The following DLG2 variants were observed in gnomAD, a reference collection of about 807,000 sequenced individuals.
DLG2 encodes disks large homolog 2.
Under a neutral mutation model 132.5 loss-of-function variants are expected in DLG2, and 45 were observed. The observed-to-expected ratio is 0.34, with a 90% confidence interval of 0.27 to 0.44. The LOEUF is 0.44. Ranked by LOEUF, DLG2 falls within the 20% of genes least tolerant of loss-of-function variation. The probability of loss-of-function intolerance (pLI) is 1.00; values close to 1 mark genes in which losing one functional copy is unlikely to be tolerated. For missense variants in DLG2, 1,045 were observed against 1,196.9 expected, an observed-to-expected ratio of 0.87 and a Z score of 1.87; for synonymous variants, 424 against 419.6, an observed-to-expected ratio of 1.01 and a Z score of -0.13.
chr11:84,734,412 G>A (rs1330237736), intron 6 of DLG2, among the ~76,000 whole-genome samples: 1 of 152,148 alleles, frequency 6.6e-6, no homozygotes. Context: ...TGTGAATGGA[G>A]TTCACTCACA....
intron 3 of DLG2, among the ~76,000 whole-genome samples, chr11:85,597,978 A>G (rs984185778): frequency 6.6e-6 from 1 of 151,064 alleles, no homozygotes; most frequent in Non-Finnish European, 1.5e-5. Flanking sequence ...AAGAATTAAA[A>G]GCTATTTGCA....
intron 18 of DLG2, among the ~76,000 whole-genome samples, chr11:83,708,963 C>G (rs1339691509): frequency 6.6e-6 from 1 of 152,004 alleles, no homozygotes; most frequent in Non-Finnish European, 1.5e-5. Flanking sequence ...TTCATAGTCT[C>G]TAGTATGAGG....
chr11:83,483,983 GC>G (rs1034175834), intron 22 of DLG2, 145 bp downstream of exon 22: 6 of 647,174 alleles, frequency 9.3e-6, no homozygotes, highest in African/African-American at 1.9e-5. Context: ...GTAGTCAGAC[GC>G]TGGTCACAGT....
chr11:85,599,682 C>T (rs991251649), intron 2 of DLG2, among the ~76,000 whole-genome samples: 1 of 152,198 alleles, frequency 6.6e-6, no homozygotes, highest in Non-Finnish European at 1.5e-5. Context: ...TCTCTTCATT[C>T]AGATCTAACT....
At chr11:85,166,701 G>A (rs2078477658) in intron 4 of DLG2, among the ~76,000 whole-genome samples, 1 of 151,960 alleles carries the variant, frequency 6.6e-6, no homozygotes, top group African/African-American at 2.4e-5. Context: ...CTCCATTCAA[G>A]CAGATTTAAA....
intron 6 of DLG2, among the ~76,000 whole-genome samples, chr11:84,564,478 AG>A (rs2099442337): frequency 6.6e-6 from 1 of 152,180 alleles, no homozygotes; most frequent in Non-Finnish European, 1.5e-5. Flanking sequence ...ACTGCAAGGC[AG>A]GGGGGTTGCT....
At chr11:85,060,505 A>G (rs1170129320) in intron 6 of DLG2, among the ~76,000 whole-genome samples, 1 of 150,398 alleles carries the variant, frequency 6.6e-6, no homozygotes, top group African/African-American at 2.4e-5. Context: ...GCATATGTAT[A>G]TGTGTGTGTG....
At chr11:83,570,431 T>C (rs944413120) in intron 19 of DLG2, among the ~76,000 whole-genome samples, 7 of 152,212 alleles carry the variant, frequency 4.6e-5, no homozygotes, top group African/African-American at 1.7e-4. Context: ...ATTACTACTA[T>C]TACTGGTTAT....
intron 2 of DLG2, among the ~76,000 whole-genome samples, chr11:85,614,331 T>TAA (rs1565764687): frequency 2.2e-5 from 3 of 138,856 alleles, no homozygotes; most frequent in African/African-American, 1.0e-4. Context: ...TTTTTTTTTT[T>TAA]TAAAAATTAA....
chr11:84,794,688 C>T (rs943420131), intron 6 of DLG2, among the ~76,000 whole-genome samples: 3 of 152,232 alleles, frequency 2.0e-5, no homozygotes, highest in Non-Finnish European at 4.4e-5. Context: ...TGGTCTCTCC[C>T]CACTCCTGGC....
chr11:83,528,991 C>T (rs1414093922), intron 21 of DLG2, among the ~76,000 whole-genome samples: 1 of 152,052 alleles, frequency 6.6e-6, no homozygotes, highest in Non-Finnish European at 1.5e-5. Flanking sequence ...ATTCTTATAG[C>T]TCGTGTACAT....
At chr11:85,521,381 G>A (rs1481107462) in intron 3 of DLG2, among the ~76,000 whole-genome samples, 1 of 152,176 alleles carries the variant, frequency 6.6e-6, no homozygotes, top group East Asian at 1.9e-4. Context: ...TGCCATGATT[G>A]TAAGTTTCCT....
At chr11:84,765,308 T>C (rs1163434782) in intron 6 of DLG2, among the ~76,000 whole-genome samples, 1 of 152,080 alleles carries the variant, frequency 6.6e-6, no homozygotes, top group Non-Finnish European at 1.5e-5. Context: ...ATGTCCCTTT[T>C]TGTCTTAGCA....
intron 11 of DLG2, among the ~76,000 whole-genome samples, chr11:84,034,135 C>A (rs2095796072): frequency 6.6e-6 from 1 of 151,810 alleles, no homozygotes; most frequent in South Asian, 2.1e-4. Context: ...ACCATAGCCA[C>A]CCCATCTTTC....
chr11:85,521,309 C>T (rs1388131270), intron 3 of DLG2, among the ~76,000 whole-genome samples: 1 of 152,176 alleles, frequency 6.6e-6, no homozygotes, highest in Non-Finnish European at 1.5e-5. Context: ...CTTTGCTCTG[C>T]ACTTCTCTCA....
intron 4 of DLG2, among the ~76,000 whole-genome samples, chr11:85,220,637 A>AAAAATAT (rs371263007): frequency 1.1e-4 from 17 of 148,316 alleles, no homozygotes; most frequent in Middle Eastern, 3.6e-3. Flanking sequence ...TAGAAAAAAA[A>AAAAATAT]ATATATATAT....
At position 84,669,682 on chromosome 11, in the gene DLG2, G is replaced by A. The variant is rs141872504; in HGVS notation, c.358-134951C>T. On this transcript the variant is annotated intron_variant, in intron 6 of 27. Transcript: ENST00000376104. ...TTGACCACATTTCACAGCCTATCCTGTAGTCATTTAGGGTCACCTGACAAT... is the reference window on the plus strand; with the variant it reads ...TTGACCACATTTCACAGCCTATCCTATAGTCATTTAGGGTCACCTGACAAT... 8.9e-3 allele frequency among the ~76,000 whole-genome samples: 1,361 copies of A among 152,206 alleles called. 13 individuals are homozygous for A. Among genetic ancestry groups the A allele is most frequent in the East Asian group, 0.032 (166 of 5,168 alleles).
chr11:85,110,738 T>C (rs2072593832), intron 6 of DLG2, among the ~76,000 whole-genome samples: 1 of 152,096 alleles, frequency 6.6e-6, no homozygotes, highest in Admixed American at 6.6e-5. Context: ...TTGTAAGACA[T>C]GTTATGTCAG....
chr11:84,960,439 CTTTT>C (rs35143980), intron 6 of DLG2, among the ~76,000 whole-genome samples: 1 of 145,030 alleles, frequency 6.9e-6, no homozygotes, highest in Admixed American at 6.9e-5. Flanking sequence ...ATTCTTTTAA[CTTTT>C]TTTTTTTTTT....
Sources: gnomAD v4.1 joint callset for allele counts (sites outside exome capture counted in the v4.1 genomes callset) on GRCh38, gnomAD v4.1.1 for gene constraint, MANE v1.5 for transcripts, NCBI Gene and HGNC (gene_info 2026-07-23, HGNC 2026-07-21) for gene names.